Variants in LRFN4 observed in about 807,000 individuals in gnomAD.
The protein encoded by LRFN4 is leucine-rich repeat and fibronectin type-III domain-containing protein 4.
Under a neutral mutation model 29.0 loss-of-function variants are expected in LRFN4, and 10 were observed. The observed-to-expected ratio is 0.35, with a 90% CI of 0.21 to 0.59. The LOEUF (loss-of-function observed/expected upper bound fraction) is 0.59, where lower values mean the gene tolerates loss of function less well. Among genes scored for constraint, LRFN4 ranks in the 20% least tolerant of loss-of-function variants. The pLI, the probability that LRFN4 is intolerant of heterozygous loss-of-function variation, is 0.82. For synonymous variants in LRFN4, 493 were observed against 437.0 expected (o/e 1.13, Z -1.60); for missense variants, 850 against 907.9 (o/e 0.94, Z 0.82).
In LRFN4 at chr11:66,858,593, T is replaced by G. The variant is rs564132320; in HGVS notation, c.849T>G (p.Ile283Met). 1 of 1,533,934 alleles carries G rather than the reference T, an allele frequency of 6.5e-7. No homozygotes were observed. Among genetic ancestry groups the G allele is most frequent in the East Asian group, 2.4e-5 (1 of 40,836 alleles). ...EGEFSCEPPL[I>M]ARHTQRLWVL... Reference sequence around the variant, plus strand: ...AGTTCTCCTGTGAGCCGCCCCTCATTGCCCGCCACACGCAGCGCCTCTGGG... The same window carrying G: ...AGTTCTCCTGTGAGCCGCCCCTCATGGCCCGCCACACGCAGCGCCTCTGGG... The change falls in exon 1 of 2, where the codon ATT becomes ATG. Residue 283 changes from isoleucine (I) to methionine (M), a missense_variant. By Grantham distance (10) the Ile-to-Met change is conservative (BLOSUM62 1). Transcript: ENST00000309602. This position sits in a 1 kb window ranked among gnomAD's most constrained non-coding sequence, Gnocchi z 5.9.
In LRFN4 at chr11:66,858,729, C is replaced by A; in HGVS notation, c.985C>A (p.Arg329=). Residue 329 remains arginine, a synonymous_variant, in exon 1 of 2, where the codon CGG becomes AGG. Coordinates refer to ENST00000309602, the MANE Select transcript of LRFN4 (RefSeq NM_024036.5). This position sits in a 1 kb window ranked among gnomAD's most constrained non-coding sequence, Gnocchi z 5.9. ...GTTGGTTGGCAACTCCTCCCGAGCC[C>A]GGGCTTTCCCCAACGGGACCTTAGA... ...DRLVGNSSRA[R]AFPNGTLEIG... 2.6e-6 allele frequency: 4 copies of A among 1,553,294 alleles called. No homozygotes were observed. Among genetic ancestry groups the A allele is most frequent in the African/African-American group, 1.4e-5 (1 of 73,602 alleles).
Position 66,857,499 on chromosome 11 carries a change from C to T in LRFN4, c.-246C>T. 1 of 487,816 alleles carries T rather than the reference C, an allele frequency of 2.0e-6. No individual in the cohort carries two copies. The highest frequency in any genetic ancestry group is 3.6e-6 in the Non-Finnish European group (1 of 277,422). 30.2% of individuals were successfully genotyped at this position (487,816 alleles called of 1,614,324 possible). ...CTCCTCCGCTTCCTGCCTCATGCCT[C>T]ACCTTGTCCCCAGCGCCTGGACTCC... On this transcript the variant is annotated 5_prime_UTR_variant, in exon 1 of 2. Coordinates refer to ENST00000309602, the MANE Select transcript of LRFN4 (RefSeq NM_024036.5). The surrounding 1 kb of genome is among the most constrained non-coding windows in gnomAD (Gnocchi z 7.1).
chr11:66,858,651 C>G lies in LRFN4; in HGVS notation c.907C>G (p.Arg303Gly). ...AGGCCAGCGGGCCACGCTGCGGTGCCGGGCCCTGGGTGACCCCGCGCCTAC... is the reference window on the plus strand; with the variant it reads ...AGGCCAGCGGGCCACGCTGCGGTGCGGGGCCCTGGGTGACCCCGCGCCTAC... ...LEGQRATLRC[R>G]ALGDPAPTMH... The change falls in exon 1 of 2, where the codon CGG (arginine) becomes GGG (glycine). Residue 303 changes from arginine to glycine, a missense_variant. Arg to Gly is a moderately radical substitution (Grantham distance 125). Transcript: ENST00000309602. The surrounding 1 kb of genome is among the most constrained non-coding windows in gnomAD (Gnocchi z 5.9). 1 of 1,541,206 alleles carries G rather than the reference C, an allele frequency of 6.5e-7. No individual in the cohort carries two copies. Among genetic ancestry groups the G allele is most frequent in the Non-Finnish European group, 8.7e-7 (1 of 1,144,006 alleles).
rs760570067 is a variant in LRFN4 at position 66,858,924 on chromosome 11, C to T, written c.1180C>T (p.Arg394Cys). The change falls in exon 1 of 2, where the codon CGC becomes TGC. Residue 394 changes from arginine to cysteine, a missense_variant. Around this residue, in one of 2 missense-constraint regions of LRFN4, gnomAD observed 744 missense variants for 753.8 expected, o/e 0.99. Coordinates refer to ENST00000309602, the MANE Select transcript of LRFN4 (RefSeq NM_024036.5). The surrounding 1 kb of genome is among the most constrained non-coding windows in gnomAD (Gnocchi z 5.9). ...GCCCTCGGACATCGCCGCCTCCGCT[C>T]GCACTGCTGCCGAGGGTGAGGGGAC... ...PGPSDIAASA[R>C]TAAEGEGTLE... The T allele has an allele frequency of 7.5e-5, 118 of 1,570,782 alleles. No homozygotes were observed. The highest frequency in any genetic ancestry group is 2.3e-4 in the East Asian group (10 of 44,172).
Position 66,858,516 on chromosome 11 carries a change from G to T in LRFN4, c.772G>T (p.Ala258Ser). Reference sequence around the variant, plus strand: ...GCGGCCGGACGACCTGGAAACGTGCGCCTCCCCGCCCGGCCTGGCCGGCCG... The same window carrying T: ...GCGGCCGGACGACCTGGAAACGTGCTCCTCCCCGCCCGGCCTGGCCGGCCG... Reference protein sequence around the residue: ...LARPDDLETCASPPGLAGRYF... With the variant: ...LARPDDLETCSSPPGLAGRYF... Residue 258 changes from alanine (A) to serine (S), a missense_variant, in exon 1 of 2, where the codon GCC becomes TCC. Around this residue, in one of 2 missense-constraint regions of LRFN4, gnomAD observed 744 missense variants for 753.8 expected, o/e 0.99. Transcript: ENST00000309602. This position sits in a 1 kb window ranked among gnomAD's most constrained non-coding sequence, Gnocchi z 5.9. 6.5e-7 allele frequency: 1 copy of T among 1,534,986 alleles called. No individual in the cohort carries two copies. Among genetic ancestry groups the T allele is most frequent in the Non-Finnish European group, 8.7e-7 (1 of 1,146,048 alleles).
At chr11:66,859,405 C>T (rs1330353215) in intron 1 of LRFN4, among the ~76,000 whole-genome samples, 3 of 152,198 alleles carry the variant, frequency 2.0e-5, no homozygotes, top group African/African-American at 2.4e-5. Context: ...GTTATTTCTG[C>T]CTCTGCTGGT....
rs1473685732 is a variant in LRFN4 at position 66,858,605 on chromosome 11, G to T, written c.861G>T (p.Thr287=). 1.3e-6 allele frequency: 2 copies of T among 1,535,094 alleles called. No homozygotes were observed. The highest frequency in any genetic ancestry group is 4.9e-5 in the East Asian group (2 of 40,846). ...SCEPPLIARH[T]QRLWVLEGQR... is the part of the protein sequence containing the mutation. The stretch of plus-strand genomic sequence containing the variant: ...AGCCGCCCCTCATTGCCCGCCACAC[G>T]CAGCGCCTCTGGGTGCTGGAAGGCC... The change falls in exon 1 of 2, where the codon ACG becomes ACT. Residue 287 remains threonine (T), a synonymous_variant. Coordinates refer to ENST00000309602, the MANE Select transcript of LRFN4 (RefSeq NM_024036.5). This position sits in a 1 kb window ranked among gnomAD's most constrained non-coding sequence, Gnocchi z 5.9.
intron 1 of LRFN4, 98 bp downstream of exon 1, chr11:66,859,191 G>A (rs773154936): frequency 2.1e-4 from 284 of 1,380,960 alleles, no homozygotes; most frequent in Non-Finnish European, 2.6e-4. Context: ...TCTCTCTGGG[G>A]CTGACACCCC....
At position 66,859,738 on chromosome 11, in the gene LRFN4, C is replaced by G; in HGVS notation, c.1451C>G (p.Ser484Cys). The change falls in exon 2 of 2, where the codon TCT becomes TGT. Residue 484 changes from serine to cysteine, a missense_variant. Transcript: ENST00000309602. The part of the protein sequence containing the change: ...LLALSPAAGP[S>C]DLTATRLLGC... ...GCCTTGTCACCGGCCGCTGGGCCCTCTGACCTCACGGCCACCAGGCTGCTG... is the reference window on the plus strand; with the variant it reads ...GCCTTGTCACCGGCCGCTGGGCCCTGTGACCTCACGGCCACCAGGCTGCTG... 1 of 1,610,486 alleles carries G rather than the reference C, an allele frequency of 6.2e-7. No homozygotes were observed.
Position 66,857,889 on chromosome 11 carries a change from C to A in LRFN4, c.145C>A (p.Arg49Ser). The change falls in exon 1 of 2, where the codon CGC becomes AGC. Residue 49 changes from arginine (R) to serine (S), a missense_variant. Physicochemically the swap from Arg to Ser is moderately radical, Grantham distance 110. This residue lies in a region of LRFN4 where 106 missense variants were observed against 154.2 expected (regional missense o/e 0.69). Coordinates refer to ENST00000309602, the MANE Select transcript of LRFN4 (RefSeq NM_024036.5). This position sits in a 1 kb window ranked among gnomAD's most constrained non-coding sequence, Gnocchi z 7.1. The part of the protein sequence containing the change: ...LLFVPPNVDR[R>S]TVELRLADNF... ...GTTTGTGCCGCCCAACGTGGACCGG[C>A]GCACAGTGGAGCTGCGGCTGGCTGA... is the stretch of plus-strand genomic sequence containing the variant. The A allele has an allele frequency of 6.2e-7, 1 of 1,611,628 alleles. No individual in the cohort carries two copies. Among genetic ancestry groups the A allele is most frequent in the South Asian group, 1.1e-5 (1 of 91,074 alleles).
In LRFN4 at chr11:66,858,252, G is replaced by T. The variant is rs1446463246; in HGVS notation, c.508G>T (p.Ala170Ser). The change falls in exon 1 of 2, where the codon GCC (alanine) becomes TCC (serine). Residue 170 changes from alanine to serine, a missense_variant. By Grantham distance (99) the Ala-to-Ser change is moderately conservative. Coordinates refer to ENST00000309602, the MANE Select transcript of LRFN4 (RefSeq NM_024036.5). The surrounding 1 kb of genome is among the most constrained non-coding windows in gnomAD (Gnocchi z 5.9). ...CTGGGCCGGCATCGGCGCCATGCCT[G>T]CCCTGCACACCCTCAACCTGGACCA... ...VPWAGIGAMPALHTLNLDHNL... is the reference protein window; with the variant it reads ...VPWAGIGAMPSLHTLNLDHNL... The T allele has an allele frequency of 6.2e-7, 1 of 1,612,474 alleles. No homozygotes were observed. Among genetic ancestry groups the T allele is most frequent in the Admixed American group, 1.7e-5 (1 of 60,032 alleles).
rs781255326 is a variant in LRFN4 at position 66,858,143 on chromosome 11, C to T, written c.399C>T (p.Gly133=). 7.5e-5 allele frequency: 121 copies of T among 1,610,450 alleles called. No homozygotes were observed. The East Asian group carries it at 2.7e-3, about 35-fold the overall frequency. ...QHLILSGNQL[G]RIAPGAFDDF... is the part of the protein sequence containing the mutation. ...TCATCCTCAGCGGCAACCAGCTGGG[C>T]CGCATCGCGCCGGGAGCCTTCGACG... The change falls in exon 1 of 2, where the codon GGC becomes GGT. Residue 133 remains glycine (G), a synonymous_variant. Transcript: ENST00000309602. This position sits in a 1 kb window ranked among gnomAD's most constrained non-coding sequence, Gnocchi z 5.9.
chr11:66,858,511 C>T lies in LRFN4; in HGVS notation c.767C>T (p.Thr256Met). ...RRLARPDDLE[T>M]CASPPGLAGR... The stretch of plus-strand genomic sequence containing the variant: ...CTGGCGCGGCCGGACGACCTGGAAA[C>T]GTGCGCCTCCCCGCCCGGCCTGGCC... The change falls in exon 1 of 2, where the codon ACG becomes ATG. Residue 256 changes from threonine (T) to methionine (M), a missense_variant. By Grantham distance (81) the Thr-to-Met change is moderately conservative. Coordinates refer to ENST00000309602, the MANE Select transcript of LRFN4 (RefSeq NM_024036.5). The surrounding 1 kb of genome is among the most constrained non-coding windows in gnomAD (Gnocchi z 5.9). 5 of 1,535,636 alleles carry T rather than the reference C, an allele frequency of 3.3e-6. No individual in the cohort carries two copies. Among genetic ancestry groups the T allele is most frequent in the East Asian group, 2.4e-5 (1 of 40,918 alleles).
In LRFN4 at chr11:66,860,151, G is replaced by T. The variant is rs890285871; in HGVS notation, c.1864G>T (p.Gly622Trp). The T allele has an allele frequency of 7.1e-6, 11 of 1,549,028 alleles. No individual in the cohort carries two copies. Among genetic ancestry groups the T allele is most frequent in the South Asian group, 1.2e-5 (1 of 84,210 alleles). Residue 622 changes from glycine (G) to tryptophan (W), a missense_variant, in exon 2 of 2, where the codon GGG becomes TGG. Gly to Trp is a radical substitution (Grantham distance 184). Coordinates refer to ENST00000309602, the MANE Select transcript of LRFN4 (RefSeq NM_024036.5). ...HGGLLGAGCRGVGGSAERLEE... is the reference protein window; with the variant it reads ...HGGLLGAGCRWVGGSAERLEE... ...GGGGCTGCTCGGGGCAGGGTGCCGGGGGGTAGGAGGCAGCGCCGAGCGGCT... is the reference window on the plus strand; with the variant it reads ...GGGGCTGCTCGGGGCAGGGTGCCGGTGGGTAGGAGGCAGCGCCGAGCGGCT...
In LRFN4 at chr11:66,859,938, C is replaced by T. The variant is rs368508310; in HGVS notation, c.1651C>T (p.Leu551Phe). 3.1e-4 allele frequency: 491 copies of T among 1,594,172 alleles called. 5 individuals carry two copies. In the South Asian group the frequency reaches 5.3e-3, roughly 17 times the overall value. Residue 551 changes from leucine (L) to phenylalanine (F), a missense_variant, in exon 2 of 2, where the codon CTC (leucine) becomes TTC (phenylalanine). Leu to Phe is a conservative substitution (Grantham distance 22). Transcript: ENST00000309602. ...GRGAGNGRLP[L>F]KLSHVQSQTN... ...GGGGGCCGGAAATGGCCGCCTCCCC[C>T]TCAAGCTCAGCCACGTCCAGTCCCA...
Position 66,858,663 on chromosome 11 carries a change from G to C in LRFN4, c.919G>C (p.Asp307His), listed in dbSNP as rs1375696313. 2 of 1,543,352 alleles carry C rather than the reference G, an allele frequency of 1.3e-6. No homozygotes were observed. The highest frequency in any genetic ancestry group is 8.7e-7 in the Non-Finnish European group (1 of 1,144,120). Residue 307 changes from aspartate (D) to histidine (H), a missense_variant, in exon 1 of 2, where the codon GAC becomes CAC. Asp to His is a moderately conservative substitution (Grantham distance 81, BLOSUM62 -1). Around this residue, in one of 2 missense-constraint regions of LRFN4, gnomAD observed 744 missense variants for 753.8 expected, o/e 0.99. Coordinates refer to ENST00000309602, the MANE Select transcript of LRFN4 (RefSeq NM_024036.5). This position sits in a 1 kb window ranked among gnomAD's most constrained non-coding sequence, Gnocchi z 5.9. The part of the protein sequence containing the change: ...RATLRCRALG[D>H]PAPTMHWVGP... ...CACGCTGCGGTGCCGGGCCCTGGGT[G>C]ACCCCGCGCCTACCATGCACTGGGT...
In LRFN4 at chr11:66,857,494, T is replaced by C. The variant is rs1351724757; in HGVS notation, c.-251T>C. 3 of 480,036 alleles carry C rather than the reference T, an allele frequency of 6.2e-6. No homozygotes were observed. In the East Asian group the frequency reaches 9.6e-5, roughly 15 times the overall value. 29.7% of individuals were successfully genotyped at this position (480,036 alleles called of 1,614,324 possible). A position where few individuals can be genotyped will look rare whatever the true frequency, so the allele number is the denominator to read the frequency against. On this transcript the variant is annotated 5_prime_UTR_variant, in exon 1 of 2. It removes an upstream start codon present in the reference 5' UTR. Transcript: ENST00000309602. This position sits in a 1 kb window ranked among gnomAD's most constrained non-coding sequence, Gnocchi z 7.1. Reference sequence around the variant, plus strand: ...CGGTCCTCCTCCGCTTCCTGCCTCATGCCTCACCTTGTCCCCAGCGCCTGG... The same window carrying C: ...CGGTCCTCCTCCGCTTCCTGCCTCACGCCTCACCTTGTCCCCAGCGCCTGG...
chr11:66,859,542 G>C, intron 1 of LRFN4, 95 bp from the exon 2 acceptor site: 2 of 1,565,634 alleles, frequency 1.3e-6, no homozygotes, highest in Middle Eastern at 1.8e-4. Flanking sequence ...TGGCCCCAGG[G>C]GGAGGGGTGT....
rs770776175 is a variant in LRFN4 at position 66,858,168 on chromosome 11, G to A, written c.424G>A (p.Asp142Asn). ...LGRIAPGAFDDFLESLEDLDL... is the reference protein window; with the variant it reads ...LGRIAPGAFDNFLESLEDLDL... ...CCGCATCGCGCCGGGAGCCTTCGACGACTTCCTAGAGAGCCTGGAGGACCT... is the reference window on the plus strand; with the variant it reads ...CCGCATCGCGCCGGGAGCCTTCGACAACTTCCTAGAGAGCCTGGAGGACCT... Residue 142 changes from aspartate to asparagine, a missense_variant, in exon 1 of 2, where the codon GAC becomes AAC. Around this residue, in one of 2 missense-constraint regions of LRFN4, gnomAD observed 744 missense variants for 753.8 expected, o/e 0.99. Coordinates refer to ENST00000309602, the MANE Select transcript of LRFN4 (RefSeq NM_024036.5). The surrounding 1 kb of genome is among the most constrained non-coding windows in gnomAD (Gnocchi z 5.9). 2 of 1,610,882 alleles carry A rather than the reference G, an allele frequency of 1.2e-6. No individual in the cohort carries two copies. The highest frequency in any genetic ancestry group is 1.7e-6 in the Non-Finnish European group (2 of 1,178,816).
Sources: gnomAD v4.1 joint callset for allele counts (sites outside exome capture counted in the v4.1 genomes callset) on GRCh38, gnomAD v4.1.1 for gene constraint, gnomAD v4.1.1 regional missense constraint, Gnocchi (gnomAD v3.1) non-coding constraint, MANE v1.5 for transcripts, NCBI Gene and HGNC (gene_info 2026-07-23, HGNC 2026-07-21) for gene names.